SOX5: variants seen among roughly 807,000 people sequenced by gnomAD.
SOX5 encodes transcription factor SOX-5.
Under a neutral mutation model 92.0 loss-of-function variants are expected in SOX5, and 9 were observed. The ratio of observed to expected loss-of-function variants is 0.10; its 90% CI spans 0.06 to 0.17. The LOEUF is 0.17. Among genes scored for constraint, SOX5 ranks in the 10% least tolerant of loss-of-function variants. The pLI, the probability that SOX5 is intolerant of heterozygous loss-of-function variation, is 1.00. For synonymous variants in SOX5, 344 were observed against 336.3 expected, an observed-to-expected ratio of 1.02 and a Z score of -0.25; for missense variants, 642 against 944.5, an observed-to-expected ratio of 0.68 and a Z score of 4.20.
intron 9 of SOX5, among the ~76,000 whole-genome samples, chr12:23,599,754 C>G (rs1373410213): frequency 6.6e-6 from 1 of 152,204 alleles, no homozygotes; most frequent in Non-Finnish European, 1.5e-5. Flanking sequence ...CTATTCATAA[C>G]TAACAATTAT....
chr12:24,524,460 T>C (rs1950532213), intron 1 of SOX5, among the ~76,000 whole-genome samples: 1 of 152,022 alleles, frequency 6.6e-6, no homozygotes, highest in Non-Finnish European at 1.5e-5. Flanking sequence ...ATACACTCTA[T>C]GTCTGTTAAG....
chr12:24,135,162 A>G (rs1340523446), intron 4 of SOX5, among the ~76,000 whole-genome samples: 1 of 152,142 alleles, frequency 6.6e-6, no homozygotes, highest in Non-Finnish European at 1.5e-5. Context: ...CGCTATTTTC[A>G]TTTCTTCCTG....
At chr12:23,633,704 C>A (rs979242153) in intron 8 of SOX5, among the ~76,000 whole-genome samples, 1 of 151,988 alleles carries the variant, frequency 6.6e-6, no homozygotes, top group African/African-American at 2.4e-5. Context: ...ATAAACACAT[C>A]CTTCCATTAT....
intron 4 of SOX5, among the ~76,000 whole-genome samples, chr12:23,967,400 A>T (rs1947718510): frequency 6.6e-6 from 1 of 152,072 alleles, no homozygotes. Context: ...TAAATATGCA[A>T]AATATTTTAA....
intron 4 of SOX5, among the ~76,000 whole-genome samples, chr12:24,208,041 T>A (rs1473210660): frequency 6.6e-6 from 1 of 152,214 alleles, no homozygotes; most frequent in Non-Finnish European, 1.5e-5. Flanking sequence ...AGGCCTTTAT[T>A]TCCATTATTC....
intron 3 of SOX5, among the ~76,000 whole-genome samples, chr12:23,767,324 G>C (rs2094771212): frequency 6.6e-6 from 1 of 152,016 alleles, no homozygotes; most frequent in Non-Finnish European, 1.5e-5. Flanking sequence ...AAACAGAAAA[G>C]AGAAACTCCT....
chr12:24,538,070 C>A (rs888826971), intron 1 of SOX5, among the ~76,000 whole-genome samples: 4 of 152,210 alleles, frequency 2.6e-5, no homozygotes, highest in Non-Finnish European at 5.9e-5. Context: ...AAGCAATATT[C>A]TCCAAAGCTA....
intron 2 of SOX5, among the ~76,000 whole-genome samples, chr12:24,331,969 C>A: frequency 6.7e-6 from 1 of 148,246 alleles, no homozygotes; most frequent in African/African-American, 2.5e-5. Flanking sequence ...AAAGAAACAC[C>A]CAGAATATTT....
chr12:24,122,688 T>C (rs1948749050), intron 4 of SOX5, among the ~76,000 whole-genome samples: 1 of 152,144 alleles, frequency 6.6e-6, no homozygotes, highest in Admixed American at 6.5e-5. Flanking sequence ...ATTTATATTA[T>C]ATTATAAGTT....
intron 10 of SOX5, among the ~76,000 whole-genome samples, chr12:23,569,684 C>T (rs1166421446): frequency 6.6e-6 from 1 of 152,212 alleles, no homozygotes; most frequent in Non-Finnish European, 1.5e-5. Context: ...ACTCCACACT[C>T]CTGTATCCCA....
chr12:23,748,382 C>T (rs964632832), intron 4 of SOX5, among the ~76,000 whole-genome samples: 4 of 151,932 alleles, frequency 2.6e-5, no homozygotes, highest in African/African-American at 9.7e-5. Flanking sequence ...GAATGACCCT[C>T]ATCAGGGTTG....
At chr12:24,446,423 G>A (rs1357920262) in intron 1 of SOX5, among the ~76,000 whole-genome samples, 1 of 152,114 alleles carries the variant, frequency 6.6e-6, no homozygotes, top group Non-Finnish European at 1.5e-5. Context: ...TGTTTGAAAG[G>A]CCCCATGTGG....
intron 9 of SOX5, among the ~76,000 whole-genome samples, chr12:23,580,639 C>T (rs1949913879): frequency 6.6e-6 from 1 of 152,090 alleles, no homozygotes; most frequent in South Asian, 2.1e-4. Context: ...TTCTTCTAAT[C>T]AATTACTGGG....
At chr12:24,029,846 T>C (rs1955286643) in intron 4 of SOX5, among the ~76,000 whole-genome samples, 1 of 151,992 alleles carries the variant, frequency 6.6e-6, no homozygotes, top group South Asian at 2.1e-4. Flanking sequence ...TAACATTTTG[T>C]TCGGTATGGT....
In SOX5 at chr12:23,746,246, T is replaced by C. The variant is rs1390515719; in HGVS notation, c.569-5207A>G. Among the ~76,000 whole-genome samples, 4 of 152,136 alleles carry C rather than the reference T, an allele frequency of 2.6e-5. No homozygotes were observed. The East Asian group carries it at 7.7e-4, about 29-fold the overall frequency. ...AAGTAGCAAGAGTCACAAGACATCC[T>C]TGACTTTAAAAAAGTGGAAGGAATA... On this transcript the variant is annotated intron_variant, in intron 4 of 14. Transcript: ENST00000451604.
At chr12:24,314,227 T>C (rs1052139108) in intron 2 of SOX5, among the ~76,000 whole-genome samples, 1 of 152,032 alleles carries the variant, frequency 6.6e-6, no homozygotes, top group Non-Finnish European at 1.5e-5. Context: ...CTTGCGATAG[T>C]TTGCTGAGAA....
intron 3 of SOX5, among the ~76,000 whole-genome samples, chr12:23,773,579 C>T (rs1458317363): frequency 6.6e-6 from 1 of 152,100 alleles, no homozygotes; most frequent in East Asian, 1.9e-4. Flanking sequence ...ACCATGTTGG[C>T]CAGGCTGGTC....
chr12:23,643,778 G>A (rs77368081), intron 7 of SOX5, among the ~76,000 whole-genome samples: 2,098 of 152,272 alleles, frequency 0.014, 49 homozygotes, highest in African/African-American at 0.046. Flanking sequence ...TTTCAGTGGA[G>A]TGGAGGTTGA....
Position 23,643,350 on chromosome 12 carries a change from G to A in SOX5, c.932-2453C>T, listed in dbSNP as rs185764226. Among the ~76,000 whole-genome samples, 634 of 152,274 alleles carry A rather than the reference G, an allele frequency of 4.2e-3. 2 individuals are homozygous for A. The highest frequency in any genetic ancestry group is 5.4e-3 in the Non-Finnish European group (367 of 68,014). On this transcript the variant is annotated intron_variant, in intron 7 of 14. Transcript: ENST00000451604. ...CAGGTGGGGCCTAAAGGGTGTTGTT[G>A]CGGGGAAGGAACAAAGAGTTCTGTT...
Sources: allele counts gnomAD v4.1 joint callset (sites outside exome capture counted in the v4.1 genomes callset), GRCh38; gene constraint gnomAD v4.1.1; transcripts MANE v1.5; gene names NCBI Gene and HGNC (gene_info 2026-07-23, HGNC 2026-07-21).